The following DKK2 variants were observed in gnomAD, a reference collection of about 807,000 sequenced individuals.
DKK2 encodes dickkopf-related protein 2.
In DKK2, 11 loss-of-function variants were observed where a neutral mutation model predicts 28.1. The ratio of observed to expected loss-of-function variants is 0.39; its 90% confidence interval spans 0.25 to 0.65. The LOEUF (loss-of-function observed/expected upper bound fraction) is 0.65. Ranked by LOEUF, DKK2 falls within the 30% of genes least tolerant of loss-of-function variation. The pLI, the probability that DKK2 is intolerant of heterozygous loss-of-function variation, is 0.47. For synonymous variants in DKK2, 135 were observed against 126.5 expected (o/e 1.07, Z -0.45); for missense variants, 326 against 335.5 (o/e 0.97, Z 0.22).
rs373895062 is a variant in DKK2 at position 107,001,596 on chromosome 4, T to C, written c.222+33774A>G. On this transcript the variant is annotated intron_variant, in intron 1 of 3. Coordinates refer to ENST00000285311, the MANE Select transcript of DKK2 (RefSeq NM_014421.3). ...AGTTCTTAGCCCCAAACCTGGAAGA[T>C]GCTTGGTGCTCAGTAAAGAACAGTG... 3.0e-4 allele frequency among the ~76,000 whole-genome samples: 45 copies of C among 152,306 alleles called. 1 individual carries two copies. In the Middle Eastern group the frequency reaches 0.01, roughly 35 times the overall value.
At chr4:106,952,394 A>C (rs911182336) in intron 1 of DKK2, among the ~76,000 whole-genome samples, 3 of 152,192 alleles carry the variant, frequency 2.0e-5, no homozygotes, top group Non-Finnish European at 4.4e-5. Flanking sequence ...AGCTATACTG[A>C]TATCACCTAG....
chr4:106,939,317 AACAG>A (rs1356052732), intron 1 of DKK2, among the ~76,000 whole-genome samples: 4 of 152,006 alleles, frequency 2.6e-5, no homozygotes, highest in African/African-American at 7.2e-5. Flanking sequence ...ATACACCAAT[AACAG>A]ACAGAGAGCC....
At chr4:106,937,236 G>C (rs1479430860) in intron 1 of DKK2, among the ~76,000 whole-genome samples, 1 of 142,630 alleles carries the variant, frequency 7.0e-6, no homozygotes, top group Admixed American at 7.1e-5. Context: ...CACGTGCAGA[G>C]ACACACATAG....
intron 1 of DKK2, among the ~76,000 whole-genome samples, chr4:106,988,055 A>G (rs1483411084): frequency 2.6e-5 from 4 of 152,230 alleles, no homozygotes; most frequent in South Asian, 2.1e-4. Context: ...TAATAGAGAC[A>G]GGGTTTCACC....
chr4:106,949,419 T>C (rs1002535786), intron 1 of DKK2, among the ~76,000 whole-genome samples: 2 of 152,180 alleles, frequency 1.3e-5, no homozygotes, highest in Non-Finnish European at 2.9e-5. Context: ...GCTATTTTGA[T>C]TCTGTTTTAC....
At chr4:107,008,184 G>A (rs1311942573) in intron 1 of DKK2, among the ~76,000 whole-genome samples, 1 of 151,950 alleles carries the variant, frequency 6.6e-6, no homozygotes, top group Non-Finnish European at 1.5e-5. Flanking sequence ...TGGTTGAGAG[G>A]GACCTTAAAA....
At chr4:106,972,472 T>TTAAAAGAC (rs1375818974) in intron 1 of DKK2, among the ~76,000 whole-genome samples, 63 of 152,042 alleles carry the variant, frequency 4.1e-4, no homozygotes, top group African/African-American at 1.5e-3. Context: ...CAAAGTACTG[T>TTAAAAGAC]TAAAAGACAA....
At chr4:107,005,356 A>AAAAAAC (rs1481386364) in intron 1 of DKK2, among the ~76,000 whole-genome samples, 2 of 150,656 alleles carry the variant, frequency 1.3e-5, no homozygotes, top group African/African-American at 2.5e-5. Flanking sequence ...AAAAAAAAAA[A>AAAAAAC]AAAAACAAAA....
At chr4:106,995,989 C>A (rs1723267275) in intron 1 of DKK2, among the ~76,000 whole-genome samples, 1 of 152,162 alleles carries the variant, frequency 6.6e-6, no homozygotes, top group Non-Finnish European at 1.5e-5. Context: ...TTTACTCAAC[C>A]AGCTATTTGA....
intron 1 of DKK2, among the ~76,000 whole-genome samples, chr4:107,017,148 G>T (rs1297503993): frequency 6.6e-6 from 1 of 151,848 alleles, no homozygotes; most frequent in East Asian, 1.9e-4. Flanking sequence ...CTAAGTATTT[G>T]ACTTTATCCA....
intron 1 of DKK2, among the ~76,000 whole-genome samples, chr4:106,946,073 T>A (rs2110345305): frequency 6.6e-6 from 1 of 152,298 alleles, no homozygotes; most frequent in East Asian, 1.9e-4. Flanking sequence ...TTTTACAAAA[T>A]GATTTCACAA....
intron 1 of DKK2, among the ~76,000 whole-genome samples, chr4:107,027,815 G>C (rs13105437): frequency 0.22 from 32,577 of 148,414 alleles, 3,981 homozygotes; most frequent in East Asian, 0.52. Context: ...ACAGTGGCGC[G>C]ATCTCGGCTC....
chr4:106,991,501 T>C (rs972772747), intron 1 of DKK2, among the ~76,000 whole-genome samples: 5 of 152,150 alleles, frequency 3.3e-5, no homozygotes, highest in African/African-American at 1.2e-4. Flanking sequence ...TCAGAGACTC[T>C]TTTGACTACC....
chr4:106,955,424 AT>A (rs1194107321), intron 1 of DKK2, among the ~76,000 whole-genome samples: 2 of 152,180 alleles, frequency 1.3e-5, no homozygotes, highest in African/African-American at 4.8e-5. Flanking sequence ...CATTTGGGGC[AT>A]TGTAGGATTG....
intron 1 of DKK2, among the ~76,000 whole-genome samples, chr4:106,946,755 G>A (rs557463881): frequency 2.6e-5 from 4 of 151,952 alleles, no homozygotes; most frequent in South Asian, 2.1e-4. Context: ...CTCTGGTAGC[G>A]TAAATAAACC....
At position 106,956,439 on chromosome 4, in the gene DKK2, G is replaced by A. The variant is rs560659658; in HGVS notation, c.223-30490C>T. Among the ~76,000 whole-genome samples the A allele has an allele frequency of 1.1e-3, 170 of 152,212 alleles. 3 individuals carry two copies. Among genetic ancestry groups the A allele is most frequent in the Admixed American group, 2.0e-3 (31 of 15,278 alleles). Reference sequence around the variant, plus strand: ...ATGGAACTAAAAAAGAGCCTGCATCGCCAAGTCAATCCTAAGCCAAAAGAA... The same window carrying A: ...ATGGAACTAAAAAAGAGCCTGCATCACCAAGTCAATCCTAAGCCAAAAGAA... On this transcript the variant is annotated intron_variant, in intron 1 of 3. Transcript: ENST00000285311.
intron 1 of DKK2, among the ~76,000 whole-genome samples, chr4:106,958,875 T>C (rs1448254685): frequency 1.4e-5 from 2 of 144,164 alleles, no homozygotes; most frequent in Non-Finnish European, 3.1e-5. Context: ...AAAGAAAACA[T>C]AAAAGAAAAA....
At position 106,923,766 on chromosome 4, in the gene DKK2, C is replaced by CTGCATTTG. The variant is rs1325118919; in HGVS notation, c.*180_*187dup. 1.3e-6 allele frequency: 1 copy of CTGCATTTG among 742,800 alleles called. No homozygotes were observed. Among genetic ancestry groups the CTGCATTTG allele is most frequent in the African/African-American group, 1.8e-5 (1 of 56,326 alleles). 46.0% of individuals were successfully genotyped at this position (742,800 alleles called of 1,614,324 possible). On this transcript the variant is annotated 3_prime_UTR_variant, in exon 4 of 4. Transcript: ENST00000285311. Reference sequence around the variant, plus strand: ...TTGCATAATGGAAACACTGGCTGCACTGCATTTGTCACCCATTCTAATCTA... The same window carrying CTGCATTTG: ...TTGCATAATGGAAACACTGGCTGCACTGCATTTGTGCATTTGTCACCCATTCTAATCTA...
At chr4:107,035,296 A>G in intron 1 of DKK2, 74 bp downstream of exon 1, 6 of 1,545,114 alleles carry the variant, frequency 3.9e-6, no homozygotes, top group Non-Finnish European at 5.3e-6. Flanking sequence ...GCAAGATGCA[A>G]TGGCAAACCG....
Sources: gnomAD v4.1 joint callset for allele counts (sites outside exome capture counted in the v4.1 genomes callset) on GRCh38, gnomAD v4.1.1 for gene constraint, MANE v1.5 for transcripts, NCBI Gene and HGNC (gene_info 2026-07-23, HGNC 2026-07-21) for gene names.